Variants in DCLK1 observed in about 807,000 individuals in gnomAD.
DCLK1 encodes the protein doublecortin like kinase 1, also known as serine/threonine-protein kinase DCLK1.
A neutral mutation model predicts 86.2 loss-of-function variants in DCLK1; 16 were observed. That is an observed-to-expected ratio of 0.19 (90% CI 0.13 to 0.28). The LOEUF is 0.28. DCLK1 is among the 10% of genes least tolerant of loss of function. The pLI is 1.00. For synonymous variants in DCLK1, 369 were observed against 370.5 expected, an observed-to-expected ratio of 1.00 and a Z score of 0.05; for missense variants, 590 against 940.2, an observed-to-expected ratio of 0.63 and a Z score of 4.87.
At chr13:35,855,789 A>C in intron 5 of DCLK1, 1 of 1,260,212 alleles carries the variant, frequency 7.9e-7, no homozygotes, top group South Asian at 3.5e-5. Flanking sequence ...GCCAACAGCA[A>C]CCCCCATCCC....
At chr13:35,833,463 T>A (rs1483505089) in intron 8 of DCLK1, among the ~76,000 whole-genome samples, 1 of 151,912 alleles carries the variant, frequency 6.6e-6, no homozygotes, top group African/African-American at 2.4e-5. Flanking sequence ...CCAGCTGGAG[T>A]CACAGTCCAC....
chr13:35,980,655 G>A (rs970320809), intron 3 of DCLK1, among the ~76,000 whole-genome samples: 2 of 152,040 alleles, frequency 1.3e-5, no homozygotes, highest in African/African-American at 4.8e-5. Context: ...CATGGACGTG[G>A]GCTGGGTGCG....
intron 12 of DCLK1, among the ~76,000 whole-genome samples, chr13:35,809,434 C>T (rs747618154): frequency 3.3e-5 from 5 of 152,158 alleles, no homozygotes; most frequent in African/African-American, 9.7e-5. Flanking sequence ...GATAAACTCC[C>T]TCACTTTAGG....
chr13:35,892,814 C>T (rs142340531), intron 4 of DCLK1, among the ~76,000 whole-genome samples: 9 of 152,292 alleles, frequency 5.9e-5, no homozygotes, highest in Admixed American at 3.3e-4. Flanking sequence ...CTGTTAAACA[C>T]CTCTGGATCT....
intron 3 of DCLK1, among the ~76,000 whole-genome samples, chr13:36,099,936 C>A (rs1386968423): frequency 6.6e-6 from 1 of 152,032 alleles, no homozygotes; most frequent in Non-Finnish European, 1.5e-5. Context: ...TAAACTGTTG[C>A]CAAATGCAGC....
intron 3 of DCLK1, among the ~76,000 whole-genome samples, chr13:35,976,826 G>A (rs533616289): frequency 2.8e-4 from 42 of 152,124 alleles, no homozygotes; most frequent in Middle Eastern, 3.4e-3. Context: ...GAGCCACCGC[G>A]CCCGGCCTTC....
chr13:35,904,325 C>T (rs768511885), intron 4 of DCLK1, among the ~76,000 whole-genome samples: 4 of 152,090 alleles, frequency 2.6e-5, no homozygotes, highest in Admixed American at 6.6e-5. Flanking sequence ...AAGCTATTCT[C>T]GTGCCTCAGC....
chr13:35,992,143 A>G (rs1056250505), intron 3 of DCLK1, among the ~76,000 whole-genome samples: 8 of 152,196 alleles, frequency 5.3e-5, no homozygotes, highest in African/African-American at 1.7e-4. Flanking sequence ...TCCCACACTC[A>G]TGCCTTCTAG....
At chr13:36,051,302 A>G (rs773953428) in intron 3 of DCLK1, among the ~76,000 whole-genome samples, 2 of 152,136 alleles carry the variant, frequency 1.3e-5, no homozygotes, top group Non-Finnish European at 2.9e-5. Context: ...GTTTCAACAC[A>G]TCATAATGAA....
intron 6 of DCLK1, chr13:35,845,994 A>T (rs1870146768): frequency 1.0e-6 from 1 of 985,294 alleles, no homozygotes; most frequent in African/African-American, 1.7e-5. Flanking sequence ...GTGAAACACA[A>T]GGTACAACAT....
chr13:35,903,385 C>T (rs529689069), intron 4 of DCLK1, among the ~76,000 whole-genome samples: 1 of 152,216 alleles, frequency 6.6e-6, no homozygotes, highest in Non-Finnish European at 1.5e-5. Flanking sequence ...AACCTCAGAA[C>T]AGACGTGCTT....
At chr13:35,950,544 G>A (rs995618336) in intron 3 of DCLK1, among the ~76,000 whole-genome samples, 7 of 152,216 alleles carry the variant, frequency 4.6e-5, no homozygotes, top group Non-Finnish European at 7.3e-5. Context: ...TAAAGATTCA[G>A]TGTAGTTACC....
chr13:35,835,342 T>C (rs1869282797), intron 8 of DCLK1, among the ~76,000 whole-genome samples: 1 of 152,132 alleles, frequency 6.6e-6, no homozygotes, highest in Non-Finnish European at 1.5e-5. Context: ...GAGGAGAAGC[T>C]GCTGGCTGAC....
chr13:35,816,645 A>C (rs941254046), intron 11 of DCLK1, among the ~76,000 whole-genome samples: 1 of 152,208 alleles, frequency 6.6e-6, no homozygotes, highest in Non-Finnish European at 1.5e-5. Flanking sequence ...TAATTTACCC[A>C]GTGTTACACA....
chr13:36,011,756 A>G (rs2153148157), intron 3 of DCLK1, among the ~76,000 whole-genome samples: 1 of 151,430 alleles, frequency 6.6e-6, no homozygotes. Flanking sequence ...CTTGGTGCAG[A>G]GCTGAGTTCA....
At chr13:35,824,528 T>C (rs1201585137) in intron 10 of DCLK1, among the ~76,000 whole-genome samples, 1 of 152,046 alleles carries the variant, frequency 6.6e-6, no homozygotes, top group Non-Finnish European at 1.5e-5. Flanking sequence ...TTATCGGTCC[T>C]TTCTTGGACA....
At chr13:36,065,607 T>C (rs879453598) in intron 3 of DCLK1, among the ~76,000 whole-genome samples, 2 of 152,200 alleles carry the variant, frequency 1.3e-5, no homozygotes, top group African/African-American at 4.8e-5. Flanking sequence ...AACCCTCTTA[T>C]CTCTAGAACT....
At chr13:35,991,934 T>C (rs1880249226) in intron 3 of DCLK1, among the ~76,000 whole-genome samples, 1 of 152,166 alleles carries the variant, frequency 6.6e-6, no homozygotes, top group Admixed American at 6.5e-5. Flanking sequence ...CTTTTTCTAA[T>C]GCCTGGAAAG....
rs182835311 is a variant in DCLK1, at chr13:35,991,431, G to A, written c.724-43974C>T. 1.2e-4 allele frequency among the ~76,000 whole-genome samples: 18 copies of A among 152,208 alleles called. No homozygotes were observed. The East Asian group carries it at 2.9e-3, about 25-fold the overall frequency. ...AATCCCAGCACTTTGGGAGGCTGAG[G>A]CTGAGGATCACTTGAGCCCAGGAGT... On this transcript the variant is annotated intron_variant, in intron 3 of 16. Coordinates refer to ENST00000360631, the MANE Select transcript of DCLK1 (RefSeq NM_001330071.2).
Sources: allele counts gnomAD v4.1 joint callset (sites outside exome capture counted in the v4.1 genomes callset), GRCh38; gene constraint gnomAD v4.1.1; transcripts MANE v1.5; gene names NCBI Gene and HGNC (gene_info 2026-07-23, HGNC 2026-07-21).